Variants in DGKB observed in about 807,000 individuals in gnomAD.
The protein encoded by DGKB is 90 kDa diacylglycerol kinase.
In DGKB, 67 loss-of-function variants were observed where a neutral mutation model predicts 114.3. The ratio of observed to expected loss-of-function variants is 0.59; its 90% CI spans 0.48 to 0.72. The LOEUF (loss-of-function observed/expected upper bound fraction) is 0.72. Ranked by LOEUF, DGKB falls within the 30% of genes least tolerant of loss-of-function variation. The probability of loss-of-function intolerance (pLI) is 0.00; values close to 1 mark genes in which losing one functional copy is unlikely to be tolerated. For missense variants in DGKB, 907 were observed against 975.2 expected, an observed-to-expected ratio of 0.93 and a Z score of 0.93; for synonymous variants, 398 against 323.1, an observed-to-expected ratio of 1.23 and a Z score of -2.49.
chr7:14,279,162 C>A (rs573926582), intron 23 of DGKB, among the ~76,000 whole-genome samples: 5 of 152,198 alleles, frequency 3.3e-5, no homozygotes, highest in African/African-American at 1.2e-4. Flanking sequence ...CCGAATACTG[C>A]GCTTTTCCGA....
intron 1 of DGKB, among the ~76,000 whole-genome samples, chr7:14,880,343 A>G (rs1024452428): frequency 6.6e-6 from 1 of 152,194 alleles, no homozygotes; most frequent in East Asian, 1.9e-4. Flanking sequence ...CTGTAGTCCC[A>G]GCTACTCGGG....
intron 18 of DGKB, among the ~76,000 whole-genome samples, chr7:14,581,426 T>C (rs151242218): frequency 6.6e-6 from 1 of 152,336 alleles, no homozygotes; most frequent in Non-Finnish European, 1.5e-5. Context: ...AGTAAATTGC[T>C]AACAATGTCC....
chr7:14,294,890 G>A (rs779389978), intron 23 of DGKB, among the ~76,000 whole-genome samples: 5 of 152,118 alleles, frequency 3.3e-5, no homozygotes, highest in Non-Finnish European at 7.4e-5. Flanking sequence ...CCTGGGTTTT[G>A]GAGAGTCTTG....
rs1848385124 is a variant in DGKB, at chr7:14,844,578, T to C, written c.-187-3128A>G. Reference sequence around the variant, plus strand: ...CTGAAATGTCAGTATCTTCATTGAGTTCCTTTCTCTCTCACTTGCATTGTT... The same window carrying C: ...CTGAAATGTCAGTATCTTCATTGAGCTCCTTTCTCTCTCACTTGCATTGTT... On this transcript the variant is annotated intron_variant, in intron 1 of 25. Coordinates refer to ENST00000402815, the MANE Select transcript of DGKB (RefSeq NM_001350709.2). Among the ~76,000 whole-genome samples, 3 of 152,038 alleles carry C rather than the reference T, an allele frequency of 2.0e-5. No homozygotes were observed. In the South Asian group the frequency reaches 6.2e-4, roughly 32 times the overall value.
chr7:14,220,000 G>T (rs549522555), intron 23 of DGKB, among the ~76,000 whole-genome samples: 2 of 151,728 alleles, frequency 1.3e-5, no homozygotes, highest in South Asian at 4.1e-4. Flanking sequence ...TGCATCATTA[G>T]GTGATTTTGT....
At chr7:14,289,486 A>G (rs1455615762) in intron 23 of DGKB, among the ~76,000 whole-genome samples, 1 of 152,216 alleles carries the variant, frequency 6.6e-6, no homozygotes, top group African/African-American at 2.4e-5. Context: ...AAAAATAAGC[A>G]TAACATTTAC....
chr7:14,886,937 T>G (rs1388842932), intron 1 of DGKB, among the ~76,000 whole-genome samples: 1 of 151,986 alleles, frequency 6.6e-6, no homozygotes, highest in East Asian at 1.9e-4. Flanking sequence ...TAAGTCAGCC[T>G]TGCAATAAAG....
chr7:14,559,377 G>C (rs995837700), intron 20 of DGKB, among the ~76,000 whole-genome samples: 18 of 152,138 alleles, frequency 1.2e-4, no homozygotes, highest in Non-Finnish European at 2.2e-4. Context: ...TGGAGGAAGG[G>C]GGCACAGCGT....
chr7:14,830,829 A>T (rs1846307507), intron 2 of DGKB, among the ~76,000 whole-genome samples: 1 of 151,838 alleles, frequency 6.6e-6, no homozygotes, highest in African/African-American at 2.4e-5. Flanking sequence ...CAAATTATTT[A>T]TTTTTCTATG....
intron 20 of DGKB, among the ~76,000 whole-genome samples, chr7:14,556,822 T>C (rs1035618194): frequency 6.6e-6 from 1 of 152,232 alleles, no homozygotes; most frequent in Non-Finnish European, 1.5e-5. Context: ...GGTATTGATA[T>C]TGAGGTTTTC....
At position 14,529,591 on chromosome 7, in the gene DGKB, G is replaced by A. The variant is rs191470396; in HGVS notation, c.1770+44621C>T. Among the ~76,000 whole-genome samples, 80 of 151,624 alleles carry A rather than the reference G, an allele frequency of 5.3e-4. 1 individual carries two copies. The highest frequency in any genetic ancestry group is 4.6e-3 in the Admixed American group (69 of 15,156). ...TATCACTCTACATGAAAAATGTATT[G>A]GAGCAATAGTTATAAATCCCTTACC... On this transcript the variant is annotated intron_variant, in intron 20 of 25. Transcript: ENST00000402815.
At chr7:14,455,480 C>T (rs2128854376) in intron 21 of DGKB, among the ~76,000 whole-genome samples, 1 of 152,052 alleles carries the variant, frequency 6.6e-6, no homozygotes, top group African/African-American at 2.4e-5. Context: ...TGCCATTATT[C>T]TGTTCACAAC....
intron 23 of DGKB, among the ~76,000 whole-genome samples, chr7:14,287,314 C>T (rs966108481): frequency 3.3e-5 from 5 of 152,122 alleles, no homozygotes; most frequent in Admixed American, 6.6e-5. Context: ...TTAATGGGTT[C>T]TCGGGTTCTA....
intron 13 of DGKB, among the ~76,000 whole-genome samples, chr7:14,636,893 T>C (rs553587663): frequency 2.8e-4 from 42 of 151,914 alleles, no homozygotes; most frequent in Non-Finnish European, 4.0e-4. Flanking sequence ...GTTATTACAG[T>C]AGCATATTTT....
At chr7:14,355,521 A>G (rs1468524936) in intron 21 of DGKB, among the ~76,000 whole-genome samples, 1 of 152,172 alleles carries the variant, frequency 6.6e-6, no homozygotes, top group East Asian at 1.9e-4. Flanking sequence ...CCTTTTCTGC[A>G]TCTACTGAGA....
intron 23 of DGKB, among the ~76,000 whole-genome samples, chr7:14,279,214 G>A (rs62443675): frequency 6.6e-6 from 1 of 152,022 alleles, no homozygotes; most frequent in Non-Finnish European, 1.5e-5. Flanking sequence ...TATCCCGCAC[G>A]TGGCTCGGAG....
At chr7:14,517,822 C>T (rs927907776) in intron 20 of DGKB, among the ~76,000 whole-genome samples, 3 of 151,818 alleles carry the variant, frequency 2.0e-5, no homozygotes, top group East Asian at 1.9e-4. Context: ...CAGATGCTGG[C>T]GAGGTTGTGG....
At chr7:14,764,760 GA>G (rs142976961) in intron 2 of DGKB, among the ~76,000 whole-genome samples, 30 of 146,272 alleles carry the variant, frequency 2.1e-4, no homozygotes, top group Admixed American at 7.5e-4. Context: ...TTTTAGGGAA[GA>G]AAAAAAAAAC....
chr7:14,201,474 C>G (rs1180885933), intron 23 of DGKB, among the ~76,000 whole-genome samples: 1 of 151,802 alleles, frequency 6.6e-6, no homozygotes, highest in African/African-American at 2.4e-5. Context: ...AAGCTGTGAC[C>G]AGGTGCATGA....
Sources: allele counts gnomAD v4.1 joint callset (sites outside exome capture counted in the v4.1 genomes callset), GRCh38; gene constraint gnomAD v4.1.1; transcripts MANE v1.5; gene names NCBI Gene and HGNC (gene_info 2026-07-23, HGNC 2026-07-21).